Variants in NAA25 observed in about 807,000 individuals in gnomAD.
NAA25 encodes N-alpha-acetyltransferase 25, NatB auxiliary subunit.
Under a neutral mutation model 132.5 loss-of-function variants are expected in NAA25, and 30 were observed. The observed-to-expected ratio is 0.23, with a 90% CI of 0.17 to 0.31. The LOEUF is 0.31. NAA25 is among the 10% of genes least tolerant of loss of function. The probability of loss-of-function intolerance (pLI) is 1.00; values close to 1 mark genes in which losing one functional copy is unlikely to be tolerated. For synonymous variants in NAA25, 359 were observed against 401.9 expected, an observed-to-expected ratio of 0.89 and a Z score of 1.28; for missense variants, 771 against 1,150.4, an observed-to-expected ratio of 0.67 and a Z score of 4.77.
intron 1 of NAA25, among the ~76,000 whole-genome samples, chr12:112,099,371 T>C (rs1652740118): frequency 6.6e-6 from 1 of 152,124 alleles, no homozygotes. Flanking sequence ...TAGTTTTCAT[T>C]GTACTTTACT....
At chr12:112,074,871 A>G in intron 8 of NAA25, 107 bp from the exon 9 acceptor site, 2 of 755,798 alleles carry the variant, frequency 2.6e-6, no homozygotes, top group South Asian at 4.3e-5. Flanking sequence ...TTTAGTATGT[A>G]GTAGGTTGGC....
rs1566000669 is a variant in NAA25, at chr12:112,043,844, T to C, written c.2031A>G (p.Lys677=). The change falls in exon 18 of 24, where the codon AAA becomes AAG. Residue 677 remains lysine, a synonymous_variant. Transcript: ENST00000261745. ...ACAAGGTCTCCTCCTCTAAGGAAAGTTTCTTATGTTCTTCAGAAACGTCCC... is the reference window on the plus strand; with the variant it reads ...ACAAGGTCTCCTCCTCTAAGGAAAGCTTCTTATGTTCTTCAGAAACGTCCC... ...KDRDVSEEHK[K]LSLEEETLWL... is the part of the protein sequence containing the mutation. 1.2e-6 allele frequency: 2 copies of C among 1,613,758 alleles called. No homozygotes were observed. The highest frequency in any genetic ancestry group is 1.1e-5 in the South Asian group (1 of 91,080).
intron 23 of NAA25, among the ~76,000 whole-genome samples, chr12:112,032,948 A>G (rs924157678): frequency 6.6e-6 from 1 of 152,212 alleles, no homozygotes; most frequent in Non-Finnish European, 1.5e-5. Flanking sequence ...ATTTCAAAAT[A>G]TGGCTGGTTC....
intron 11 of NAA25, among the ~76,000 whole-genome samples, chr12:112,062,987 G>A (rs2078660004): frequency 6.6e-6 from 1 of 151,982 alleles, no homozygotes; most frequent in African/African-American, 2.4e-5. Flanking sequence ...TTGAGCCCAG[G>A]AGTTTGAGCC....
intron 3 of NAA25, among the ~76,000 whole-genome samples, chr12:112,089,731 C>T (rs1356976405): frequency 6.6e-6 from 1 of 151,824 alleles, no homozygotes; most frequent in Non-Finnish European, 1.5e-5. Flanking sequence ...ACTTGGCTCA[C>T]GGCTGTAATC....
chr12:112,033,503 T>A, intron 22 of NAA25, 124 bp from the exon 23 acceptor site: 1 of 788,838 alleles, frequency 1.3e-6, no homozygotes, highest in Non-Finnish European at 1.9e-6. Context: ...TGGTTTCAAG[T>A]GAATGAATGG....
intron 22 of NAA25, chr12:112,034,927 T>C (rs2078204149): frequency 6.6e-6 from 1 of 151,992 alleles, no homozygotes; most frequent in Admixed American, 6.6e-5. Flanking sequence ...CAACAATTCA[T>C]CAATATAATT....
chr12:112,043,968 C>G (rs2078337911), intron 17 of NAA25, 100 bp from the exon 18 acceptor site: 2 of 1,282,178 alleles, frequency 1.6e-6, no homozygotes, highest in African/African-American at 3.0e-5. Flanking sequence ...TGATCTGTCG[C>G]CCAGGCTGGA....
chr12:112,069,123 G>A, intron 10 of NAA25, 131 bp from the exon 11 acceptor site: 1 of 612,890 alleles, frequency 1.6e-6, no homozygotes, highest in South Asian at 2.0e-5. Flanking sequence ...CAAGATAGCG[G>A]GTTATCTCAA....
intron 4 of NAA25, 106 bp downstream of exon 4, chr12:112,087,577 A>G (rs1365962000): frequency 2.8e-6 from 2 of 719,796 alleles, no homozygotes; most frequent in Non-Finnish European, 2.3e-6. Flanking sequence ...AAATCCATAA[A>G]TTCAATTCTA....
intron 14 of NAA25, among the ~76,000 whole-genome samples, chr12:112,054,075 A>G (rs541983640): frequency 6.6e-6 from 1 of 152,364 alleles, no homozygotes; most frequent in Admixed American, 6.5e-5. Flanking sequence ...AATAAATTAC[A>G]TGTGTCAACT....
chr12:112,093,253 A>C, intron 1 of NAA25, 117 bp from the exon 2 acceptor site: 8 of 575,494 alleles, frequency 1.4e-5, no homozygotes, highest in East Asian at 1.1e-4. Context: ...ATAAAACATC[A>C]TGGAGGCCGG....
intron 23 of NAA25, among the ~76,000 whole-genome samples, chr12:112,030,274 T>G (rs1428555258): frequency 6.6e-6 from 1 of 151,310 alleles, no homozygotes; most frequent in Non-Finnish European, 1.5e-5. Context: ...CACTACTTTT[T>G]AATCAATAAA....
Position 112,075,763 on chromosome 12 carries a change from G to A in NAA25, c.691C>T (p.Arg231Trp), listed in dbSNP as rs976683604. 3.1e-6 allele frequency: 5 copies of A among 1,613,930 alleles called. No individual in the cohort carries two copies. Among genetic ancestry groups the A allele is most frequent in the East Asian group, 2.2e-5 (1 of 44,882 alleles). The change falls in exon 8 of 24, where the codon CGG (arginine) becomes TGG (tryptophan). Residue 231 changes from arginine (R) to tryptophan (W), a missense_variant. By Grantham distance (101) the Arg-to-Trp change is moderately radical. This residue lies in a region of NAA25 where 417 missense variants were observed against 733.8 expected (regional missense o/e 0.57). Coordinates refer to ENST00000261745, the MANE Select transcript of NAA25 (RefSeq NM_024953.4). ...TACATAGCCATGCATTTATTTTCCC[G>A]ACTCTGAATCTCACTTGTCAACTTC... ...GEKLTSEIQS[R>W]ENKCMAMYKK... is the part of the protein sequence containing the mutation.
chr12:112,064,070 A>T (rs1223646410), intron 11 of NAA25: 1 of 151,656 alleles, frequency 6.6e-6, no homozygotes, highest in Non-Finnish European at 1.5e-5. Context: ...TGATACAAAT[A>T]AAAAAAAATT....
intron 23 of NAA25, among the ~76,000 whole-genome samples, chr12:112,032,907 G>A (rs1317977818): frequency 6.6e-6 from 1 of 152,156 alleles, no homozygotes; most frequent in African/African-American, 2.4e-5. Context: ...CTCAGCAGCA[G>A]GTAAATTCTA....
At chr12:112,088,884 T>G (rs1174771545) in intron 3 of NAA25, among the ~76,000 whole-genome samples, 4 of 152,086 alleles carry the variant, frequency 2.6e-5, no homozygotes, top group Non-Finnish European at 5.9e-5. Context: ...CCTCCCAAAG[T>G]GCTGGGATTA....
chr12:112,040,440 TAAG>T (rs1274805484), intron 21 of NAA25, 38 bp downstream of exon 21: 1 of 1,249,536 alleles, frequency 8.0e-7, no homozygotes, highest in Non-Finnish European at 1.2e-6. Flanking sequence ...TGTAGACCAT[TAAG>T]AACAACAATG....
chr12:112,102,930 C>G (rs1030916185), intron 1 of NAA25, among the ~76,000 whole-genome samples: 3 of 152,088 alleles, frequency 2.0e-5, no homozygotes, highest in Non-Finnish European at 4.4e-5. Flanking sequence ...CCTCATGATC[C>G]GCCGGCCTCG....
Sources: allele counts gnomAD v4.1 joint callset (sites outside exome capture counted in the v4.1 genomes callset), GRCh38; gene constraint gnomAD v4.1.1; regional missense constraint gnomAD v4.1.1; transcripts MANE v1.5; gene names NCBI Gene and HGNC (gene_info 2026-07-23, HGNC 2026-07-21).